Variants in GPR137B observed in about 807,000 individuals in gnomAD.
GPR137B encodes the protein G protein-coupled receptor 137B, also known as integral membrane protein GPR137B.
A neutral mutation model predicts 42.5 loss-of-function variants in GPR137B; 42 were observed. The observed-to-expected ratio is 0.99, with a 90% CI of 0.77 to 1.28. The LOEUF (loss-of-function observed/expected upper bound fraction) is 1.28. Among genes scored for constraint, GPR137B ranks in the 50% most tolerant of loss-of-function variants. GPR137B has a pLI of 0.00. For synonymous variants in GPR137B, 218 were observed against 209.7 expected (o/e 1.04, Z -0.34); for missense variants, 487 against 493.9 (o/e 0.99, Z 0.13).
chr1:236,183,611 C>A (rs1467399896), intron 4 of GPR137B, among the ~76,000 whole-genome samples, 167 bp from the exon 5 acceptor site: 1 of 152,066 alleles, frequency 6.6e-6, no homozygotes, highest in Admixed American at 6.6e-5. Flanking sequence ...TATTTTAATA[C>A]TTTAAATAGA....
At chr1:236,197,435 G>A (rs1171321822) in intron 5 of GPR137B, among the ~76,000 whole-genome samples, 1 of 151,986 alleles carries the variant, frequency 6.6e-6, no homozygotes. Flanking sequence ...ATTTGCTTTT[G>A]GATTCTTGGT....
intron 1 of GPR137B, among the ~76,000 whole-genome samples, chr1:236,154,272 G>A (rs1046332804): frequency 7.1e-6 from 1 of 140,898 alleles, no homozygotes; most frequent in African/African-American, 2.9e-5. Context: ...AGGATGGAAG[G>A]GTGGTGCTGG....
At chr1:236,205,408 T>C (rs1254206) in intron 6 of GPR137B, among the ~76,000 whole-genome samples, 158 bp downstream of exon 6, 81,897 of 152,076 alleles carry the variant, frequency 0.54, 23,969 homozygotes, top group East Asian at 0.85. Context: ...ATGTGAAACA[T>C]TCAGGAATGA....
At chr1:236,195,983 T>G (rs1393248170) in intron 5 of GPR137B, among the ~76,000 whole-genome samples, 1 of 152,202 alleles carries the variant, frequency 6.6e-6, no homozygotes, top group African/African-American at 2.4e-5. Flanking sequence ...GTTAATCCCT[T>G]GTCAGATGGG....
At chr1:236,180,657 G>A (rs1419817110) in intron 4 of GPR137B, among the ~76,000 whole-genome samples, 4 of 140,752 alleles carry the variant, frequency 2.8e-5, no homozygotes, top group Non-Finnish European at 6.1e-5. Flanking sequence ...TTTTTGAGAC[G>A]GAGTTTCACT....
intron 1 of GPR137B, among the ~76,000 whole-genome samples, chr1:236,158,143 G>T (rs575040146): frequency 2.6e-4 from 39 of 152,336 alleles, no homozygotes; most frequent in South Asian, 6.2e-4. Context: ...CACAGCTGGG[G>T]CTGGGCATGG....
rs893173501 is a variant in GPR137B, at chr1:236,157,605, G to A, written c.415-11101G>A. ...TGGCCTGTTATATAGGAGTAGCGTC[G>A]TCTGTCAGTATATGTGGGGGACTGG... On this transcript the variant is annotated intron_variant, in intron 1 of 6. Coordinates refer to ENST00000366592, the MANE Select transcript of GPR137B (RefSeq NM_003272.4). Among the ~76,000 whole-genome samples, 6 of 152,246 alleles carry A rather than the reference G, an allele frequency of 3.9e-5. No individual in the cohort carries two copies. The South Asian group carries it at 6.2e-4, about 16-fold the overall frequency.
chr1:236,193,489 C>A (rs555298621), intron 5 of GPR137B, among the ~76,000 whole-genome samples: 1 of 152,250 alleles, frequency 6.6e-6, no homozygotes, highest in South Asian at 2.1e-4. Context: ...TACATTCTCA[C>A]CAGCAGTGTA....
chr1:236,206,408 G>A (rs1015969739), intron 6 of GPR137B, among the ~76,000 whole-genome samples: 2 of 152,166 alleles, frequency 1.3e-5, no homozygotes, highest in Non-Finnish European at 2.9e-5. Flanking sequence ...CTGTCTCTTA[G>A]TCTCACCTAC....
intron 5 of GPR137B, among the ~76,000 whole-genome samples, chr1:236,191,302 G>A (rs1295765527): frequency 6.6e-6 from 1 of 152,086 alleles, no homozygotes; most frequent in African/African-American, 2.4e-5. Flanking sequence ...CTTTAGCTCG[G>A]AGGAGTTTAT....
chr1:236,158,366 G>C (rs1352203419), intron 1 of GPR137B, among the ~76,000 whole-genome samples: 1 of 152,228 alleles, frequency 6.6e-6, no homozygotes, highest in East Asian at 1.9e-4. Flanking sequence ...CAAGGTTGCA[G>C]TGAGCCGAGA....
intron 5 of GPR137B, among the ~76,000 whole-genome samples, chr1:236,185,885 C>G (rs1663003934): frequency 6.6e-6 from 1 of 152,024 alleles, no homozygotes; most frequent in African/African-American, 2.4e-5. Flanking sequence ...TTCATCATCT[C>G]AAAAGGAAAC....
chr1:236,205,337 A>G (rs2102928016), intron 6 of GPR137B, 87 bp downstream of exon 6: 18 of 1,168,630 alleles, frequency 1.5e-5, no homozygotes, highest in Middle Eastern at 2.0e-4. Context: ...GAAAATTCCT[A>G]CGTTAAAACT....
chr1:236,181,916 C>T (rs183178882), intron 4 of GPR137B, among the ~76,000 whole-genome samples: 116 of 33,462 alleles, frequency 3.5e-3, no homozygotes, highest in East Asian at 3.9e-3. Context: ...TTTTTTGAGA[C>T]GGAGTCTCTC....
rs10924503 is a variant in GPR137B at position 236,171,284 on chromosome 1, C to T, written c.464+2529C>T. Among the ~76,000 whole-genome samples the T allele has an allele frequency of 0.045, 6,906 of 152,218 alleles. 468 individuals carry two copies. Among genetic ancestry groups the T allele is most frequent in the African/African-American group, 0.14 (5,998 of 41,508 alleles). ...GAATTTTTGGGTTAGGGATGGTCAACCTGTATAAAGTACAAGTAGACAGTT... is the reference window on the plus strand; with the variant it reads ...GAATTTTTGGGTTAGGGATGGTCAATCTGTATAAAGTACAAGTAGACAGTT... On this transcript the variant is annotated intron_variant, in intron 2 of 6. Coordinates refer to ENST00000366592, the MANE Select transcript of GPR137B (RefSeq NM_003272.4). The surrounding 1 kb of genome is among the most constrained non-coding windows in gnomAD (Gnocchi z 4.4).
At chr1:236,143,717 G>A (rs1044235233) in intron 1 of GPR137B, among the ~76,000 whole-genome samples, 1 of 152,068 alleles carries the variant, frequency 6.6e-6, no homozygotes. Flanking sequence ...AGCTGACTGG[G>A]GCTCTTTTAC....
Position 236,156,817 on chromosome 1 carries a change from T to C in GPR137B, c.415-11889T>C, listed in dbSNP as rs562947719. On this transcript the variant is annotated intron_variant, in intron 1 of 6. Coordinates refer to ENST00000366592, the MANE Select transcript of GPR137B (RefSeq NM_003272.4). This position sits in a 1 kb window ranked among gnomAD's most constrained non-coding sequence, Gnocchi z 4.8. Reference sequence around the variant, plus strand: ...ATAATTTCCCCAATATATCAGGAAGTGGGTAGCGCAGAGGGACCAGGAGAG... The same window carrying C: ...ATAATTTCCCCAATATATCAGGAAGCGGGTAGCGCAGAGGGACCAGGAGAG... 6.6e-6 allele frequency among the ~76,000 whole-genome samples: 1 copy of C among 152,148 alleles called. No homozygotes were observed. The highest frequency in any genetic ancestry group is 2.4e-5 in the African/African-American group (1 of 41,494).
In GPR137B at chr1:236,168,950, A is replaced by G. The variant is rs563472515; in HGVS notation, c.464+195A>G. ...GGTCAGGTCATCAGATCATGACTTC[A>G]TGAATCATGGGGACTTGCATCATAC... On this transcript the variant is annotated intron_variant, in intron 2 of 6. Transcript: ENST00000366592. Among the ~76,000 whole-genome samples the G allele has an allele frequency of 2.0e-5, 3 of 152,336 alleles. No individual in the cohort carries two copies. The East Asian group carries it at 5.8e-4, about 29-fold the overall frequency.
intron 1 of GPR137B, among the ~76,000 whole-genome samples, chr1:236,148,722 G>A (rs1661751012): frequency 6.6e-6 from 1 of 152,178 alleles, no homozygotes; most frequent in Admixed American, 6.5e-5. Flanking sequence ...CTGTGGGATG[G>A]TGCCAGGGGC....
Sources: allele counts gnomAD v4.1 joint callset (sites outside exome capture counted in the v4.1 genomes callset), GRCh38; gene constraint gnomAD v4.1.1; non-coding constraint Gnocchi (gnomAD v3.1); transcripts MANE v1.5; gene names NCBI Gene and HGNC (gene_info 2026-07-23, HGNC 2026-07-21).